NPTXR: variants seen among roughly 807,000 people sequenced by gnomAD.
The protein encoded by NPTXR is neuronal pentraxin receptor.
In NPTXR, 12 loss-of-function variants were observed where a neutral mutation model predicts 32.2. The observed-to-expected ratio is 0.37, with a 90% CI of 0.24 to 0.60. The LOEUF is 0.60. Among genes scored for constraint, NPTXR ranks in the 20% least tolerant of loss-of-function variants. The pLI, the probability that NPTXR is intolerant of heterozygous loss-of-function variation, is 0.66. For missense variants in NPTXR, 612 were observed against 682.9 expected, an observed-to-expected ratio of 0.90 and a Z score of 1.16; for synonymous variants, 323 against 315.8, an observed-to-expected ratio of 1.02 and a Z score of -0.24.
rs776617870 is a variant in NPTXR, at chr22:38,826,687, T to C, written c.911A>G (p.Tyr304Cys). The change falls in exon 3 of 5, where the codon TAC becomes TGC. Residue 304 changes from tyrosine to cysteine, a missense_variant. By Grantham distance (194) the Tyr-to-Cys change is radical (BLOSUM62 -2). Coordinates refer to ENST00000333039, the MANE Select transcript of NPTXR (RefSeq NM_014293.4). ...AGCCTTCCGCACGCGGGCGTACATG[T>C]AGTTGTTACGGATGGGGATGCTGAT... is the stretch of plus-strand genomic sequence containing the variant. 1 of 1,614,204 alleles carries C rather than the reference T, an allele frequency of 6.2e-7. No homozygotes were observed. Among genetic ancestry groups the C allele is most frequent in the South Asian group, 1.1e-5 (1 of 91,088 alleles).
intron 1 of NPTXR, among the ~76,000 whole-genome samples, chr22:38,839,162 C>CA (rs2093128641): frequency 6.6e-6 from 1 of 152,226 alleles, no homozygotes; most frequent in Non-Finnish European, 1.5e-5. Context: ...TGGGAGGAGG[C>CA]AATCAGCTTG....
Position 38,828,336 on chromosome 22 carries a change from C to T in NPTXR, c.801G>A (p.Val267=). 1.9e-6 allele frequency: 3 copies of T among 1,613,528 alleles called. No individual in the cohort carries two copies. Among genetic ancestry groups the T allele is most frequent in the African/African-American group, 1.3e-5 (1 of 75,058 alleles). Residue 267 remains valine (V), a synonymous_variant, in exon 2 of 5, where the codon GTG becomes GTA. Coordinates refer to ENST00000333039, the MANE Select transcript of NPTXR (RefSeq NM_014293.4). Reference sequence around the variant, plus strand: ...CCTGCAGGACGTCCAACTCCTTTTCCACTTCCTGCCTCTGCCGGCGGCTGC... The same window carrying T: ...CCTGCAGGACGTCCAACTCCTTTTCTACTTCCTGCCTCTGCCGGCGGCTGC...
intron 1 of NPTXR, among the ~76,000 whole-genome samples, chr22:38,831,787 C>T (rs1021778999): frequency 6.6e-6 from 1 of 152,104 alleles, no homozygotes; most frequent in Non-Finnish European, 1.5e-5. Context: ...GAGGGGCATG[C>T]GGGAGTGAGG....
At position 38,829,443 on chromosome 22, in the gene NPTXR, C is replaced by T. The variant is rs75681967; in HGVS notation, c.625-931G>A. 7.0e-3 allele frequency among the ~76,000 whole-genome samples: 1,069 copies of T among 152,242 alleles called. 12 individuals are homozygous for T. The East Asian group carries it at 0.072, about 10-fold the overall frequency. The stretch of plus-strand genomic sequence containing the variant: ...AGAAGGCCCCTCTGGGGTGGAGGAA[C>T]GCAGGTGAGGCCGCAGGTCCAGACT... On this transcript the variant is annotated intron_variant, in intron 1 of 4. Coordinates refer to ENST00000333039, the MANE Select transcript of NPTXR (RefSeq NM_014293.4).
At chr22:38,824,550 C>T (rs1362549332) in intron 3 of NPTXR, among the ~76,000 whole-genome samples, 1 of 152,182 alleles carries the variant, frequency 6.6e-6, no homozygotes, top group Non-Finnish European at 1.5e-5. Flanking sequence ...TCCACCATTC[C>T]ATTGCTAGGC....
In NPTXR at chr22:38,843,572, C is replaced by G; in HGVS notation, c.287G>C (p.Cys96Ser). 8.2e-7 allele frequency: 1 copy of G among 1,225,126 alleles called. No individual in the cohort carries two copies. 75.9% of individuals were successfully genotyped at this position (1,225,126 alleles called of 1,614,324 possible). Residue 96 changes from cysteine (C) to serine (S), a missense_variant, in exon 1 of 5, where the codon TGC becomes TCC. Cys to Ser is a moderately radical substitution (Grantham distance 112, BLOSUM62 -1). Coordinates refer to ENST00000333039, the MANE Select transcript of NPTXR (RefSeq NM_014293.4). This position sits in a 1 kb window ranked among gnomAD's most constrained non-coding sequence, Gnocchi z 5.3. ...CGGGCAGGCAGCAGCCAGCGGCGTGCACAGGAAGCGGCTGAACAGGGGCCC... is the reference window on the plus strand; with the variant it reads ...CGGGCAGGCAGCAGCCAGCGGCGTGGACAGGAAGCGGCTGAACAGGGGCCC...
Position 38,818,886 on chromosome 22 carries a change from G to A in NPTXR, c.*3723C>T, listed in dbSNP as rs2093092071. ...CACAAAGGAGGGGGGACTCAGTGCT[G>A]GGGAGAGGCTGCTGCGTCCTAGAGA... is the stretch of plus-strand genomic sequence containing the variant. On this transcript the variant is annotated 3_prime_UTR_variant, in exon 5 of 5. Coordinates refer to ENST00000333039, the MANE Select transcript of NPTXR (RefSeq NM_014293.4). This position sits in a 1 kb window ranked among gnomAD's most constrained non-coding sequence, Gnocchi z 4.5. The A allele has an allele frequency of 6.6e-6, 1 of 152,598 alleles. No individual in the cohort carries two copies. The highest frequency in any genetic ancestry group is 2.4e-5 in the African/African-American group (1 of 41,442). The allele number at this position is 152,598 out of a possible 1,614,324, so 9.5% of individuals were successfully genotyped here.
chr22:38,822,506 G>A lies in NPTXR; in HGVS notation c.*103C>T. The A allele has an allele frequency of 2.0e-6, 2 of 975,736 alleles. No individual in the cohort carries two copies. The highest frequency in any genetic ancestry group is 3.1e-6 in the Non-Finnish European group (2 of 640,396). 60.4% of individuals were successfully genotyped at this position (975,736 alleles called of 1,614,324 possible). ...AATGGGAGGCACAGCCAGGAGTGGG[G>A]CAGGAGGGAAGGCCAGTGCGTGGGC... On this transcript the variant is annotated 3_prime_UTR_variant, in exon 5 of 5. Coordinates refer to ENST00000333039, the MANE Select transcript of NPTXR (RefSeq NM_014293.4).
At chr22:38,829,704 T>C (rs1240889306) in intron 1 of NPTXR, among the ~76,000 whole-genome samples, 3 of 152,160 alleles carry the variant, frequency 2.0e-5, no homozygotes, top group Non-Finnish European at 2.9e-5. Context: ...CACGAACTCA[T>C]TGCATTCTGT....
chr22:38,831,846 T>A (rs2093116720), intron 1 of NPTXR, among the ~76,000 whole-genome samples: 1 of 152,112 alleles, frequency 6.6e-6, no homozygotes. Flanking sequence ...TACTCATGAA[T>A]CCTCGCAGCT....
chr22:38,823,821 C>T (rs1012201862), intron 3 of NPTXR, among the ~76,000 whole-genome samples: 1 of 152,214 alleles, frequency 6.6e-6, no homozygotes, highest in Non-Finnish European at 1.5e-5. Flanking sequence ...GCAGACATAG[C>T]CAATCAATCA....
chr22:38,838,197 G>A (rs1046963347), intron 1 of NPTXR, among the ~76,000 whole-genome samples: 2 of 135,940 alleles, frequency 1.5e-5, no homozygotes, highest in Admixed American at 6.8e-5. Context: ...TGTTTCGGGC[G>A]TATCTGGCCT....
In NPTXR at chr22:38,828,447, G is replaced by A; in HGVS notation, c.690C>T (p.Gly230=). The change falls in exon 2 of 5, where the codon GGC becomes GGT. Residue 230 remains glycine (G), a synonymous_variant. Transcript: ENST00000333039. ...CCAGCTGGTCCATCTTGGAGTGTAG[G>A]CCGGTGGGCACAGCAGAGACTGGGG... The A allele has an allele frequency of 6.2e-7, 1 of 1,604,668 alleles. No individual in the cohort carries two copies. Among genetic ancestry groups the A allele is most frequent in the Non-Finnish European group, 8.5e-7 (1 of 1,176,516 alleles).
intron 1 of NPTXR, among the ~76,000 whole-genome samples, chr22:38,828,936 C>A (rs1381525776): frequency 6.6e-6 from 1 of 152,242 alleles, no homozygotes; most frequent in African/African-American, 2.4e-5. Flanking sequence ...ACTCAGCAAG[C>A]TTCTCTAGAA....
chr22:38,831,567 G>A (rs928517143), intron 1 of NPTXR, among the ~76,000 whole-genome samples: 1 of 152,166 alleles, frequency 6.6e-6, no homozygotes, highest in Non-Finnish European at 1.5e-5. Context: ...AGAGCCTTCA[G>A]GTGACACTGG....
intron 1 of NPTXR, among the ~76,000 whole-genome samples, chr22:38,833,893 G>T (rs945032444): frequency 6.6e-6 from 1 of 152,118 alleles, no homozygotes; most frequent in Non-Finnish European, 1.5e-5. Context: ...AGCCAGGATG[G>T]TCTCCATCTC....
At chr22:38,826,787 C>T (rs1375125790) in intron 2 of NPTXR, 40 bp from the exon 3 acceptor site, 2 of 1,588,186 alleles carry the variant, frequency 1.3e-6, no homozygotes, top group Non-Finnish European at 1.7e-6. Context: ...GGTCGGTGGA[C>T]ACCGAAAAGG....
In NPTXR at chr22:38,843,887, G is replaced by A. The variant is rs917143326; in HGVS notation, c.-29C>T. 6 of 985,796 alleles carry A rather than the reference G, an allele frequency of 6.1e-6. No individual in the cohort carries two copies. In the Admixed American group the frequency reaches 2.5e-4, roughly 41 times the overall value. 61.1% of individuals were successfully genotyped at this position (985,796 alleles called of 1,614,324 possible). The stretch of plus-strand genomic sequence containing the variant: ...GAGGCGGGCGGCGGGGGCGCCCGAG[G>A]CCCCCGGCAGGCGCGGCGGCGGGGT... On this transcript the variant is annotated 5_prime_UTR_variant, in exon 1 of 5. Coordinates refer to ENST00000333039, the MANE Select transcript of NPTXR (RefSeq NM_014293.4). The surrounding 1 kb of genome is among the most constrained non-coding windows in gnomAD (Gnocchi z 5.3).
rs1076612 is a variant in NPTXR, at chr22:38,834,735, A to G, written c.625-6223T>C. On this transcript the variant is annotated intron_variant, in intron 1 of 4. Transcript: ENST00000333039. This position sits in a 1 kb window ranked among gnomAD's most constrained non-coding sequence, Gnocchi z 4.4. ...CAGTTCCTTGCTTACTAGATCTGCG[A>G]CCTTGGGCAAGCTGCTTAACTCCTC... Among the ~76,000 whole-genome samples the G allele has an allele frequency of 0.46, 69,958 of 151,614 alleles. 16,843 individuals are homozygous for G. Among genetic ancestry groups the G allele is most frequent in the East Asian group, 0.82 (4,220 of 5,164 alleles).
Sources: allele counts gnomAD v4.1 joint callset (sites outside exome capture counted in the v4.1 genomes callset), GRCh38; gene constraint gnomAD v4.1.1; non-coding constraint Gnocchi (gnomAD v3.1); transcripts MANE v1.5; gene names NCBI Gene and HGNC (gene_info 2026-07-23, HGNC 2026-07-21).